The following LRRC4C variants were observed in gnomAD, a reference collection of about 807,000 sequenced individuals.
LRRC4C encodes leucine-rich repeat-containing protein 4C.
A neutral mutation model predicts 33.6 loss-of-function variants in LRRC4C; 5 were observed. The observed-to-expected ratio is 0.15, with a 90% CI of 0.08 to 0.31. LRRC4C has a LOEUF of 0.31. Among genes scored for constraint, LRRC4C ranks in the 10% least tolerant of loss-of-function variants. The pLI, the probability that LRRC4C is intolerant of heterozygous loss-of-function variation, is 1.00. For missense variants in LRRC4C, 560 were observed against 796.7 expected (o/e 0.70, Z 3.58); for synonymous variants, 329 against 302.0 (o/e 1.09, Z -0.93).
Position 40,826,364 on chromosome 11 carries a change from A to G in LRRC4C, c.-407+107271T>C, listed in dbSNP as rs768709628. 4.1e-4 allele frequency among the ~76,000 whole-genome samples: 63 copies of G among 151,972 alleles called. 1 individual carries two copies. The highest frequency in any genetic ancestry group is 2.4e-5 in the African/African-American group (1 of 41,388). ...ATACAGCCTGAAGGATTCCAAAAAG[A>G]TTTCACCAATTACTGTGAATAGAGT... On this transcript the variant is annotated intron_variant, in intron 2 of 6. Transcript: ENST00000528697.
At chr11:40,566,860 A>T (rs565759193) in intron 3 of LRRC4C, among the ~76,000 whole-genome samples, 11 of 152,166 alleles carry the variant, frequency 7.2e-5, no homozygotes, top group Non-Finnish European at 1.6e-4. Flanking sequence ...AAATCAAAAT[A>T]AAAGCATAAA....
chr11:41,019,738 C>T (rs764010133), intron 1 of LRRC4C, among the ~76,000 whole-genome samples: 4 of 152,042 alleles, frequency 2.6e-5, no homozygotes, highest in Non-Finnish European at 4.4e-5. Context: ...TGGTATCTCA[C>T]TGTGGTTTTG....
intron 2 of LRRC4C, among the ~76,000 whole-genome samples, chr11:40,825,940 T>TGG (rs544490106): frequency 4.1e-4 from 11 of 26,952 alleles, no homozygotes; most frequent in South Asian, 3.8e-3. Context: ...TATTGTATTC[T>TGG]GGGGGGGGGG....
rs367684047 is a variant in LRRC4C at position 40,304,048 on chromosome 11, A to G, written c.-176+15580T>C. Among the ~76,000 whole-genome samples, 7 of 152,310 alleles carry G rather than the reference A, an allele frequency of 4.6e-5. No homozygotes were observed. In the South Asian group the frequency reaches 1.2e-3, roughly 27 times the overall value. ...ACACTTGCTCAAAGGTTCCTTTTGC[A>G]GTAAAATACAACATTGAAAAAATGT... On this transcript the variant is annotated intron_variant, in intron 4 of 6. Coordinates refer to ENST00000528697, the MANE Select transcript of LRRC4C (RefSeq NM_001258419.2).
At chr11:40,595,099 T>C (rs573285088) in intron 3 of LRRC4C, among the ~76,000 whole-genome samples, 1 of 152,200 alleles carries the variant, frequency 6.6e-6, no homozygotes, top group East Asian at 1.9e-4. Flanking sequence ...TTGATTTTAT[T>C]TTTCCCAAGA....
At chr11:41,000,415 G>A (rs10837541) in intron 1 of LRRC4C, among the ~76,000 whole-genome samples, 22,926 of 152,084 alleles carry the variant, frequency 0.15, 1,860 homozygotes, top group Middle Eastern at 0.22. Flanking sequence ...ACAAATATGT[G>A]GCCCATAGAT....
intron 1 of LRRC4C, among the ~76,000 whole-genome samples, chr11:41,200,698 G>A (rs1946368973): frequency 6.6e-6 from 1 of 152,124 alleles, no homozygotes; most frequent in Non-Finnish European, 1.5e-5. Context: ...GAGTTTATCT[G>A]TGCTGAACTG....
At chr11:40,872,927 A>C (rs1310526338) in intron 2 of LRRC4C, among the ~76,000 whole-genome samples, 1 of 152,174 alleles carries the variant, frequency 6.6e-6, no homozygotes, top group Non-Finnish European at 1.5e-5. Flanking sequence ...TAGAATCTTT[A>C]ATTTTAAAAC....
intron 3 of LRRC4C, among the ~76,000 whole-genome samples, chr11:40,426,074 C>T (rs951200863): frequency 3.4e-5 from 5 of 148,400 alleles, no homozygotes; most frequent in Admixed American, 6.8e-5. Context: ...AGTGCAGTGG[C>T]GCGATCTTGG....
intron 3 of LRRC4C, among the ~76,000 whole-genome samples, chr11:40,423,401 G>T (rs1015822318): frequency 2.9e-5 from 4 of 137,236 alleles, no homozygotes; most frequent in South Asian, 2.3e-4. Flanking sequence ...CTGGAGTGCA[G>T]TGGCGCCATC....
intron 3 of LRRC4C, among the ~76,000 whole-genome samples, chr11:40,520,611 A>G (rs1223902193): frequency 6.6e-6 from 1 of 152,182 alleles, no homozygotes; most frequent in Non-Finnish European, 1.5e-5. Flanking sequence ...TTATAATAGT[A>G]ATATCTAAGA....
intron 3 of LRRC4C, among the ~76,000 whole-genome samples, chr11:40,595,223 C>T (rs1959206021): frequency 6.6e-6 from 1 of 150,954 alleles, no homozygotes; most frequent in South Asian, 2.1e-4. Flanking sequence ...AAATTCAAAA[C>T]CATTAGGTAT....
At chr11:40,299,648 C>T (rs556888780) in intron 4 of LRRC4C, among the ~76,000 whole-genome samples, 47 of 152,200 alleles carry the variant, frequency 3.1e-4, no homozygotes, top group Non-Finnish European at 5.0e-4. Context: ...AAATGAAGAA[C>T]TAGTTATTTT....
chr11:40,149,737 C>T (rs1182702616), intron 5 of LRRC4C, among the ~76,000 whole-genome samples: 1 of 152,104 alleles, frequency 6.6e-6, no homozygotes, highest in Non-Finnish European at 1.5e-5. Context: ...GATATAAAAA[C>T]ATCTGGGAGA....
In LRRC4C at chr11:40,581,077, T is replaced by C. The variant is rs552965102; in HGVS notation, c.-270+67065A>G. On this transcript the variant is annotated intron_variant, in intron 3 of 6. Transcript: ENST00000528697. Reference sequence around the variant, plus strand: ...ATCAAGCCTGGTCTTCTTGTTTTTATTCCTTTGACTGCTTTTCCCATTCTC... The same window carrying C: ...ATCAAGCCTGGTCTTCTTGTTTTTACTCCTTTGACTGCTTTTCCCATTCTC... Among the ~76,000 whole-genome samples, 11 of 152,400 alleles carry C rather than the reference T, an allele frequency of 7.2e-5. No homozygotes were observed. In the East Asian group the frequency reaches 1.3e-3, roughly 19 times the overall value.
rs571834795 is a variant in LRRC4C at position 41,023,677 on chromosome 11, G to A, written c.-495-89954C>T. Among the ~76,000 whole-genome samples, 38 of 151,782 alleles carry A rather than the reference G, an allele frequency of 2.5e-4. 1 individual carries two copies. The South Asian group carries it at 7.0e-3, about 28-fold the overall frequency. On this transcript the variant is annotated intron_variant, in intron 1 of 6. Coordinates refer to ENST00000528697, the MANE Select transcript of LRRC4C (RefSeq NM_001258419.2). The stretch of plus-strand genomic sequence containing the variant: ...CAGCAAATACACTTATTCAGATTGC[G>A]TGTTACAAATCAATCTAAAAAAAGA...
At chr11:40,873,508 A>C (rs564300399) in intron 2 of LRRC4C, among the ~76,000 whole-genome samples, 74 of 152,272 alleles carry the variant, frequency 4.9e-4, no homozygotes, top group Non-Finnish European at 9.0e-4. Context: ...GACCTAAGGA[A>C]TTTTGGTAAT....
intron 3 of LRRC4C, among the ~76,000 whole-genome samples, chr11:40,380,279 G>A (rs879940035): frequency 3.9e-5 from 6 of 152,096 alleles, no homozygotes; most frequent in Non-Finnish European, 8.8e-5. Flanking sequence ...ATCAGGCAAG[G>A]TTTTTGTGGT....
At chr11:41,452,161 C>T (rs1269550500) in intron 1 of LRRC4C, among the ~76,000 whole-genome samples, 1 of 152,068 alleles carries the variant, frequency 6.6e-6, no homozygotes, top group Admixed American at 6.6e-5. Context: ...TATATGGTCA[C>T]AGGTTTTAAT....
Sources: allele counts gnomAD v4.1 joint callset (sites outside exome capture counted in the v4.1 genomes callset), GRCh38; gene constraint gnomAD v4.1.1; transcripts MANE v1.5; gene names NCBI Gene and HGNC (gene_info 2026-07-23, HGNC 2026-07-21).